The following NEK10 variants were observed in gnomAD, a reference collection of about 807,000 sequenced individuals.
NEK10 encodes serine/threonine-protein kinase Nek10.
NEK10 carries 122 observed loss-of-function variants against 159.8 expected under a neutral mutation model. That is an observed-to-expected ratio of 0.76 (90% CI 0.66 to 0.89). The LOEUF (loss-of-function observed/expected upper bound fraction) is 0.89, where lower values mean the gene tolerates loss of function less well. Among genes scored for constraint, NEK10 ranks in the 40% least tolerant of loss-of-function variants. The pLI, the probability that NEK10 is intolerant of heterozygous loss-of-function variation, is 0.00. For synonymous variants in NEK10, 466 were observed against 457.1 expected (o/e 1.02, Z -0.25); for missense variants, 1,342 against 1,323.1 (o/e 1.01, Z -0.22).
At chr3:27,236,373 A>G (rs1404239492) in intron 23 of NEK10, among the ~76,000 whole-genome samples, 1 of 152,170 alleles carries the variant, frequency 6.6e-6, no homozygotes, top group East Asian at 1.9e-4. Flanking sequence ...ACTCAGCTAT[A>G]AAAAGGAACA....
At chr3:27,305,681 G>A (rs2044192055) in intron 11 of NEK10, among the ~76,000 whole-genome samples, 1 of 151,246 alleles carries the variant, frequency 6.6e-6, no homozygotes, top group Non-Finnish European at 1.5e-5. Flanking sequence ...CTATGTAATT[G>A]CAAAATAAGA....
At chr3:27,284,204 G>A (rs2042407068) in intron 22 of NEK10, among the ~76,000 whole-genome samples, 1 of 152,048 alleles carries the variant, frequency 6.6e-6, no homozygotes, top group Non-Finnish European at 1.5e-5. Context: ...TGGCCAACAT[G>A]GTGAAACCCT....
intron 11 of NEK10, 138 bp downstream of exon 11, chr3:27,307,721 C>G: frequency 1.6e-6 from 1 of 631,860 alleles, no homozygotes; most frequent in Non-Finnish European, 2.8e-6. Flanking sequence ...TTTATATAAA[C>G]TTAAACAGAA....
Position 27,107,746 on chromosome 3 carries a change from T to G in NEK10, c.*3526A>C, listed in dbSNP as rs1261646325. 6.6e-6 allele frequency among the ~76,000 whole-genome samples: 1 copy of G among 152,108 alleles called. No homozygotes were observed. The highest frequency in any genetic ancestry group is 1.5e-5 in the Non-Finnish European group (1 of 68,010). On this transcript the variant is annotated 3_prime_UTR_variant, in exon 36 of 36. Coordinates refer to ENST00000691995, the MANE Select transcript of NEK10 (RefSeq NM_001394966.1). ...GATTTCTTTGCATTGCCTCTCCAAG[T>G]GATTTCAGTGCTCATGAAAACCATC...
chr3:27,313,167 A>G (rs1446093769), intron 7 of NEK10, among the ~76,000 whole-genome samples: 3 of 151,490 alleles, frequency 2.0e-5, no homozygotes, highest in Non-Finnish European at 4.4e-5. Flanking sequence ...TGGGAGACTG[A>G]GGCACAAGAA....
At chr3:27,304,154 A>G (rs2044050493) in intron 12 of NEK10, among the ~76,000 whole-genome samples, 1 of 152,180 alleles carries the variant, frequency 6.6e-6, no homozygotes, top group Non-Finnish European at 1.5e-5. Flanking sequence ...TTTAAAAGAG[A>G]GATAATGCCC....
chr3:27,287,066 G>A (rs919456488), intron 20 of NEK10, among the ~76,000 whole-genome samples: 6 of 148,170 alleles, frequency 4.0e-5, no homozygotes, highest in Non-Finnish European at 7.4e-5. Flanking sequence ...GATTTATTTC[G>A]ACATTTCATA....
intron 20 of NEK10, among the ~76,000 whole-genome samples, chr3:27,285,501 T>C (rs1292196276): frequency 6.8e-6 from 1 of 147,484 alleles, no homozygotes; most frequent in South Asian, 2.1e-4. Context: ...TAGAAATTTC[T>C]GTTATGTCTT....
intron 26 of NEK10, among the ~76,000 whole-genome samples, chr3:27,178,396 C>CTA (rs1299538251): frequency 6.6e-6 from 1 of 152,138 alleles, no homozygotes; most frequent in Non-Finnish European, 1.5e-5. Flanking sequence ...CAGCTATATC[C>CTA]TATAGATGCT....
chr3:27,132,637 AT>A (rs1367751985), intron 31 of NEK10, among the ~76,000 whole-genome samples: 3 of 152,176 alleles, frequency 2.0e-5, no homozygotes, highest in Non-Finnish European at 2.9e-5. Context: ...AAAAATGGGG[AT>A]TAAAAAAATG....
intron 26 of NEK10, among the ~76,000 whole-genome samples, chr3:27,175,055 G>A (rs1034717580): frequency 2.6e-5 from 4 of 152,190 alleles, no homozygotes; most frequent in Non-Finnish European, 5.9e-5. Context: ...AAAAAGGATG[G>A]AAGTGGCAAG....
chr3:27,364,507 C>A (rs113737307), intron 1 of NEK10, among the ~76,000 whole-genome samples: 1 of 151,894 alleles, frequency 6.6e-6, no homozygotes, highest in Non-Finnish European at 1.5e-5. Context: ...GGATTACAGG[C>A]GTGAGCCACA....
chr3:27,187,760 C>CAA (rs34803938), intron 26 of NEK10, among the ~76,000 whole-genome samples: 226 of 129,162 alleles, frequency 1.7e-3, no homozygotes, highest in Middle Eastern at 4.5e-3. Context: ...GACTCCATCT[C>CAA]AAAAAAAAAA....
chr3:27,178,588 G>T (rs1432547586), intron 26 of NEK10, among the ~76,000 whole-genome samples: 2 of 152,144 alleles, frequency 1.3e-5, no homozygotes, highest in Non-Finnish European at 2.9e-5. Flanking sequence ...TTTATCAGTG[G>T]CACCGCATTC....
chr3:27,182,575 C>G (rs568085684), intron 26 of NEK10, among the ~76,000 whole-genome samples: 3 of 151,338 alleles, frequency 2.0e-5, no homozygotes, highest in Middle Eastern at 3.4e-3. Flanking sequence ...ACCATATGAT[C>G]CAGCAATCCC....
chr3:27,132,830 G>A (rs1423058082), intron 31 of NEK10, among the ~76,000 whole-genome samples: 1 of 152,026 alleles, frequency 6.6e-6, no homozygotes, highest in Non-Finnish European at 1.5e-5. Flanking sequence ...TGAAGGGAGA[G>A]AAAGAGGAAC....
rs188895348 is a variant in NEK10, at chr3:27,226,128, T to A, written c.2091-23571A>T. ...CTCACTGCAAGCTCTGCCTCCTGGG[T>A]TCACATCATTCTCCTGCCTCAGCCT... On this transcript the variant is annotated intron_variant, in intron 23 of 35. Transcript: ENST00000691995. Among the ~76,000 whole-genome samples the A allele has an allele frequency of 4.5e-4, 69 of 151,972 alleles. 1 individual carries two copies. The East Asian group carries it at 0.012, about 26-fold the overall frequency.
intron 5 of NEK10, among the ~76,000 whole-genome samples, chr3:27,326,860 A>C (rs1309427519): frequency 6.6e-6 from 1 of 152,150 alleles, no homozygotes; most frequent in African/African-American, 2.4e-5. Context: ...TCAGCCCTTA[A>C]CCCACTGCAA....
chr3:27,178,959 G>A (rs1947794976), intron 26 of NEK10, among the ~76,000 whole-genome samples: 1 of 152,122 alleles, frequency 6.6e-6, no homozygotes, highest in South Asian at 2.1e-4. Context: ...TTAGAAATAG[G>A]TTCTCACTAT....
Sources: gnomAD v4.1 joint callset for allele counts (sites outside exome capture counted in the v4.1 genomes callset) on GRCh38, gnomAD v4.1.1 for gene constraint, MANE v1.5 for transcripts, NCBI Gene and HGNC (gene_info 2026-07-23, HGNC 2026-07-21) for gene names.